C12orf42: variants seen among roughly 807,000 people sequenced by gnomAD.
C12orf42 encodes chromosome 12 open reading frame 42, also known as uncharacterized protein C12orf42.
A neutral mutation model predicts 21.6 loss-of-function variants in C12orf42; 25 were observed. The observed-to-expected ratio is 1.16, with a 90% CI of 0.84 to 1.62. The LOEUF is 1.62. C12orf42 is among the 40% of genes most tolerant of loss of function. The pLI, the probability that C12orf42 is intolerant of heterozygous loss-of-function variation, is 0.00. For synonymous variants in C12orf42, 174 were observed against 175.0 expected (o/e 0.99, Z 0.05); for missense variants, 483 against 459.3 (o/e 1.05, Z -0.47).
chr12:103,188,935 A>G, the C12orf42 span, among the ~76,000 whole-genome samples: 4 of 152,232 alleles, frequency 2.6e-5, no homozygotes, highest in African/African-American at 9.6e-5. Flanking sequence ...CAGTCTTAAA[A>G]TGTAGCTGCT....
At chr12:103,181,060 G>A in the C12orf42 span, among the ~76,000 whole-genome samples, 2 of 151,884 alleles carry the variant, frequency 1.3e-5, no homozygotes, top group African/African-American at 2.4e-5. Flanking sequence ...TTGAGAGATT[G>A]AGACCATCCT....
intron 10 of C12orf42, among the ~76,000 whole-genome samples, chr12:103,256,109 TATACACACACACAC>T (rs1388370945): frequency 9.8e-4 from 43 of 43,816 alleles, no homozygotes; most frequent in African/African-American, 2.4e-3. Flanking sequence ...TATATATATA[TATACACACACACAC>T]ACACACACAC....
chr12:103,429,783 T>C (rs1382469387), intron 2 of C12orf42, among the ~76,000 whole-genome samples: 1 of 151,926 alleles, frequency 6.6e-6, no homozygotes, highest in Non-Finnish European at 1.5e-5. Context: ...CATAGACCAA[T>C]AGAACAGAAC....
chr12:103,176,158 TC>T, the C12orf42 span, among the ~76,000 whole-genome samples: 1 of 152,106 alleles, frequency 6.6e-6, no homozygotes, highest in Admixed American at 6.6e-5. Flanking sequence ...TTGCATCTCA[TC>T]CCACCACTAT....
chr12:103,270,366 AAGG>A, intron 5 of C12orf42: 1 of 141,466 alleles, frequency 7.1e-6, no homozygotes. Flanking sequence ...GGAAGGAAGA[AAGG>A]AAGGAAGGAA....
chr12:103,179,661 G>C, the C12orf42 span, among the ~76,000 whole-genome samples: 1 of 152,120 alleles, frequency 6.6e-6, no homozygotes, highest in African/African-American at 2.4e-5. Flanking sequence ...ACCACTGAAA[G>C]GCCAAATTAG....
At chr12:103,137,787 C>A in the C12orf42 span, among the ~76,000 whole-genome samples, 2 of 152,028 alleles carry the variant, frequency 1.3e-5, no homozygotes, top group Non-Finnish European at 2.9e-5. Flanking sequence ...ACAAATACTG[C>A]ATGTTCTCAC....
intron 4 of C12orf42, among the ~76,000 whole-genome samples, chr12:103,339,147 GCT>G (rs2041963241): frequency 6.6e-6 from 1 of 152,010 alleles, no homozygotes; most frequent in Non-Finnish European, 1.5e-5. Flanking sequence ...TTGCATTTGG[GCT>G]CTCAAAGGCA....
intron 4 of C12orf42, among the ~76,000 whole-genome samples, chr12:103,290,088 T>C (rs2036699710): frequency 6.6e-6 from 1 of 152,132 alleles, no homozygotes; most frequent in African/African-American, 2.4e-5. Context: ...AAGTACGGCT[T>C]CACCACACTA....
intron 2 of C12orf42, among the ~76,000 whole-genome samples, chr12:103,461,027 T>A (rs192397419): frequency 6.1e-4 from 93 of 152,334 alleles, no homozygotes; most frequent in Admixed American, 2.4e-3. Flanking sequence ...TGATTCTCTA[T>A]GTCTGTGGGC....
intron 10 of C12orf42, among the ~76,000 whole-genome samples, chr12:103,251,159 T>G (rs1321986125): frequency 6.6e-6 from 1 of 151,702 alleles, no homozygotes; most frequent in East Asian, 1.9e-4. Context: ...CATGCTGGCA[T>G]GAAAGGCTGG....
At chr12:103,106,783 A>G in the C12orf42 span, among the ~76,000 whole-genome samples, 2 of 151,996 alleles carry the variant, frequency 1.3e-5, no homozygotes, top group Non-Finnish European at 2.9e-5. Context: ...AAGAAGTAAT[A>G]TGTTCATCAA....
chr12:103,563,454 C>T, the C12orf42 span, among the ~76,000 whole-genome samples: 1 of 152,302 alleles, frequency 6.6e-6, no homozygotes, highest in East Asian at 1.9e-4. Context: ...AGTAAGTTTT[C>T]ACTGCATAAC....
At chr12:103,344,274 G>A (rs1220026009) in intron 4 of C12orf42, among the ~76,000 whole-genome samples, 2 of 152,204 alleles carry the variant, frequency 1.3e-5, no homozygotes, top group Non-Finnish European at 2.9e-5. Context: ...TCCCGGAGCT[G>A]TGTTCTCATG....
chr12:103,054,345 T>C, the C12orf42 span, among the ~76,000 whole-genome samples: 2 of 151,960 alleles, frequency 1.3e-5, no homozygotes, highest in Non-Finnish European at 2.9e-5. Flanking sequence ...TGAGTGATTA[T>C]AAATGATGTT....
At chr12:103,546,858 A>G in the C12orf42 span, among the ~76,000 whole-genome samples, 3 of 152,186 alleles carry the variant, frequency 2.0e-5, no homozygotes, top group Admixed American at 6.5e-5. Context: ...TTATGCCCAG[A>G]GAAAAGGAAC....
At chr12:103,536,280 T>C in the C12orf42 span, among the ~76,000 whole-genome samples, 1 of 151,716 alleles carries the variant, frequency 6.6e-6, no homozygotes, top group African/African-American at 2.4e-5. Flanking sequence ...AGAGTAAGGG[T>C]GGTTGGGGAT....
chr12:103,539,328 A>G, the C12orf42 span, among the ~76,000 whole-genome samples: 5 of 151,628 alleles, frequency 3.3e-5, no homozygotes, highest in African/African-American at 4.8e-5. Context: ...CATAAAATCA[A>G]TTGCACAGGC....
At chr12:103,149,469 A>G in the C12orf42 span, among the ~76,000 whole-genome samples, 1 of 152,216 alleles carries the variant, frequency 6.6e-6, no homozygotes, top group Non-Finnish European at 1.5e-5. Context: ...GTAAATGTCC[A>G]AGAACTAACC....
Sources: allele counts gnomAD v4.1 joint callset (sites outside exome capture counted in the v4.1 genomes callset), GRCh38; gene constraint gnomAD v4.1.1; transcripts MANE v1.5; gene names NCBI Gene and HGNC (gene_info 2026-07-23, HGNC 2026-07-21).